LRMDA: variants seen among roughly 807,000 people sequenced by gnomAD.
LRMDA encodes leucine-rich melanocyte differentiation-associated protein.
A neutral mutation model predicts 29.8 loss-of-function variants in LRMDA; 18 were observed. The observed-to-expected ratio is 0.60, with a 90% confidence interval of 0.42 to 0.90. The LOEUF (loss-of-function observed/expected upper bound fraction) is 0.90, where lower values mean the gene tolerates loss of function less well. Ranked by LOEUF, LRMDA falls within the 40% of genes least tolerant of loss-of-function variation. LRMDA has a pLI of 0.00. For synonymous variants in LRMDA, 125 were observed against 109.4 expected, an observed-to-expected ratio of 1.14 and a Z score of -0.89; for missense variants, 273 against 273.9, an observed-to-expected ratio of 1.00 and a Z score of 0.02.
At chr10:76,214,045 G>A (rs79122412) in intron 5 of LRMDA, among the ~76,000 whole-genome samples, 1 of 152,170 alleles carries the variant, frequency 6.6e-6, no homozygotes, top group Non-Finnish European at 1.5e-5. Context: ...ATGGCCCATG[G>A]AGGTGAGGGA....
intron 5 of LRMDA, among the ~76,000 whole-genome samples, chr10:76,139,974 G>A (rs1203678335): frequency 6.6e-6 from 1 of 152,018 alleles, no homozygotes. Context: ...TTTGGAAAGT[G>A]GGGTGACTGA....
intron 5 of LRMDA, among the ~76,000 whole-genome samples, chr10:76,296,314 C>G (rs1434294573): frequency 6.6e-6 from 1 of 152,194 alleles, no homozygotes; most frequent in Non-Finnish European, 1.5e-5. Flanking sequence ...GAATAGGTTT[C>G]TGGAAGGCTA....
At chr10:75,866,830 G>A (rs1385369006) in intron 2 of LRMDA, among the ~76,000 whole-genome samples, 2 of 152,174 alleles carry the variant, frequency 1.3e-5, no homozygotes, top group East Asian at 1.9e-4. Flanking sequence ...TGAAGCTAAC[G>A]TCACTAAATC....
intron 2 of LRMDA, among the ~76,000 whole-genome samples, chr10:75,820,104 G>A (rs571260682): frequency 4.6e-5 from 7 of 152,224 alleles, no homozygotes; most frequent in East Asian, 3.9e-4. Context: ...ACAGATCATC[G>A]AGGCAGAAAA....
chr10:76,332,324 G>T (rs1840914245), intron 6 of LRMDA, among the ~76,000 whole-genome samples: 1 of 152,160 alleles, frequency 6.6e-6, no homozygotes, highest in African/African-American at 2.4e-5. Flanking sequence ...TTAAACATTT[G>T]AAATCCATAG....
chr10:76,052,255 A>C (rs541109834), intron 4 of LRMDA, among the ~76,000 whole-genome samples: 6 of 152,388 alleles, frequency 3.9e-5, no homozygotes, highest in African/African-American at 1.4e-4. Flanking sequence ...AGAAAATTTT[A>C]AAAACGAAAC....
intron 5 of LRMDA, among the ~76,000 whole-genome samples, chr10:76,197,894 T>C (rs1432868267): frequency 6.6e-6 from 1 of 151,366 alleles, no homozygotes; most frequent in Non-Finnish European, 1.5e-5. Context: ...CACTCCAGCC[T>C]GGGCAACAGA....
intron 5 of LRMDA, among the ~76,000 whole-genome samples, chr10:76,229,297 G>A (rs1852017096): frequency 6.6e-6 from 1 of 152,222 alleles, no homozygotes; most frequent in South Asian, 2.1e-4. Context: ...ATAACCCCGT[G>A]AGATTCGAAG....
chr10:76,104,948 G>A (rs1849456440), intron 5 of LRMDA, among the ~76,000 whole-genome samples: 1 of 152,150 alleles, frequency 6.6e-6, no homozygotes, highest in Non-Finnish European at 1.5e-5. Context: ...TCCTGCTCCA[G>A]GCCTTTGCTC....
intron 6 of LRMDA, among the ~76,000 whole-genome samples, chr10:76,402,970 A>G (rs1377502029): frequency 6.6e-6 from 1 of 151,820 alleles, no homozygotes; most frequent in Non-Finnish European, 1.5e-5. Context: ...TTCCCACAGA[A>G]CCTCAAGGAC....
chr10:76,390,114 A>C (rs1426803662), intron 6 of LRMDA, among the ~76,000 whole-genome samples: 2 of 152,212 alleles, frequency 1.3e-5, no homozygotes, highest in Non-Finnish European at 2.9e-5. Flanking sequence ...CCAACAATGC[A>C]CATGATTCCA....
At chr10:76,216,691 A>G (rs929138580) in intron 5 of LRMDA, among the ~76,000 whole-genome samples, 2 of 152,224 alleles carry the variant, frequency 1.3e-5, no homozygotes, top group Admixed American at 6.5e-5. Context: ...GAACCCTGCT[A>G]TGTTGCTGAT....
intron 2 of LRMDA, among the ~76,000 whole-genome samples, chr10:75,763,820 C>T (rs961943115): frequency 3.3e-5 from 5 of 151,734 alleles, no homozygotes; most frequent in Non-Finnish European, 7.4e-5. Context: ...TGGTTTCCAA[C>T]CCTGTGTCCA....
At chr10:75,753,022 CA>C (rs1476218490) in intron 2 of LRMDA, among the ~76,000 whole-genome samples, 1 of 152,104 alleles carries the variant, frequency 6.6e-6, no homozygotes, top group African/African-American at 2.4e-5. Context: ...GTGTCTGATT[CA>C]GATAGGAGAA....
chr10:76,488,031 T>G, intron 6 of LRMDA, among the ~76,000 whole-genome samples: 1 of 151,896 alleles, frequency 6.6e-6, no homozygotes, highest in African/African-American at 2.4e-5. Flanking sequence ...TCTCATTTTT[T>G]TAAGTGGTTC....
chr10:76,246,848 A>G (rs1852387129), intron 5 of LRMDA, among the ~76,000 whole-genome samples: 1 of 152,218 alleles, frequency 6.6e-6, no homozygotes, highest in Non-Finnish European at 1.5e-5. Context: ...GGATAACTGC[A>G]TAACAAAGAT....
chr10:76,039,861 G>T (rs906997349), intron 3 of LRMDA, among the ~76,000 whole-genome samples: 4 of 152,174 alleles, frequency 2.6e-5, no homozygotes, highest in Non-Finnish European at 5.9e-5. Flanking sequence ...TACTATTATT[G>T]TTGTTGTTAT....
At chr10:75,731,562 A>AT (rs1261074964) in intron 2 of LRMDA, among the ~76,000 whole-genome samples, 1 of 152,218 alleles carries the variant, frequency 6.6e-6, no homozygotes, top group Non-Finnish European at 1.5e-5. Context: ...AGAGTTTGAA[A>AT]TTTTAGTGTT....
chr10:76,343,105 T>C (rs1000512749), intron 6 of LRMDA, among the ~76,000 whole-genome samples: 3 of 152,234 alleles, frequency 2.0e-5, no homozygotes, highest in Non-Finnish European at 2.9e-5. Flanking sequence ...GATGTGCAGA[T>C]AGGCTGTTGT....
Sources: gnomAD v4.1 joint callset for allele counts (sites outside exome capture counted in the v4.1 genomes callset) on GRCh38, gnomAD v4.1.1 for gene constraint, MANE v1.5 for transcripts, NCBI Gene and HGNC (gene_info 2026-07-23, HGNC 2026-07-21) for gene names.